The following MAF variants were observed in gnomAD, a reference collection of about 807,000 sequenced individuals.
MAF encodes transcription factor Maf.
MAF carries 10 observed loss-of-function variants against 22.0 expected under a neutral mutation model. The ratio of observed to expected loss-of-function variants is 0.45; its 90% CI spans 0.28 to 0.77. The LOEUF (loss-of-function observed/expected upper bound fraction) is 0.77, where lower values mean the gene tolerates loss of function less well. MAF is among the 30% of genes least tolerant of loss of function. The pLI, the probability that MAF is intolerant of heterozygous loss-of-function variation, is 0.12. For missense variants in MAF, 544 were observed against 548.4 expected (o/e 0.99, Z 0.08); for synonymous variants, 337 against 255.8 (o/e 1.32, Z -3.03).
the MAF span, among the ~76,000 whole-genome samples, chr16:79,485,367 C>T: frequency 6.6e-6 from 1 of 152,240 alleles, no homozygotes. Context: ...CTCTTTCCTT[C>T]TCTGTCACCC....
chr16:79,441,868 C>A, the MAF span, among the ~76,000 whole-genome samples: 1 of 152,124 alleles, frequency 6.6e-6, no homozygotes, highest in South Asian at 2.1e-4. Flanking sequence ...GTAAAATTAT[C>A]CTGAATTTAG....
chr16:79,211,599 G>A, the MAF span: 1 of 1,614,164 alleles, frequency 6.2e-7, no homozygotes, highest in Non-Finnish European at 8.5e-7. Context: ...TTTCTTCTTG[G>A]ATTTCCAGCA....
the MAF span, among the ~76,000 whole-genome samples, chr16:79,277,790 G>A: frequency 6.6e-6 from 1 of 152,142 alleles, no homozygotes; most frequent in African/African-American, 2.4e-5. Flanking sequence ...GTATAAATAC[G>A]ACAATTGCCC....
the MAF span, among the ~76,000 whole-genome samples, chr16:79,554,090 A>AAAAC: frequency 0.025 from 3,006 of 121,084 alleles, 45 homozygotes; most frequent in African/African-American, 0.046. Flanking sequence ...CTGCCTCTCA[A>AAAAC]AAACAAACAA....
At chr16:79,250,586 A>G in the MAF span, among the ~76,000 whole-genome samples, 3,554 of 152,162 alleles carry the variant, frequency 0.023, 46 homozygotes, top group Middle Eastern at 0.071. Context: ...GTGCTTGGGG[A>G]AGGCTCTACT....
At chr16:79,507,106 T>C in the MAF span, among the ~76,000 whole-genome samples, 1 of 138,780 alleles carries the variant, frequency 7.2e-6, no homozygotes, top group Admixed American at 8.3e-5. Context: ...TAATTAACTT[T>C]TCTGCGTCTT....
Position 79,599,236 on chromosome 16 carries a change from T to C in MAF, c.667A>G (p.Ser223Gly), listed in dbSNP as rs1369223885. Reference protein sequence around the residue: ...AGGAGGGGPASAGGGGGGGGG... With the variant: ...AGGAGGGGPAGAGGGGGGGGG... ...CCGCCGCCGCCGCCGCCCCCAGCGC[T>C]GGCCGGGCCACCGCCGCCCGCGCCC... The change falls in exon 1 of 2, where the codon AGC becomes GGC. Residue 223 changes from serine to glycine, a missense_variant. Ser to Gly is a moderately conservative substitution (Grantham distance 56). Coordinates refer to ENST00000326043, the MANE Select transcript of MAF (RefSeq NM_005360.5). 2.0e-6 allele frequency: 2 copies of C among 977,268 alleles called. No homozygotes were observed. Among genetic ancestry groups the C allele is most frequent in the Non-Finnish European group, 1.2e-6 (1 of 826,704 alleles). The allele number at this position is 977,268 out of a possible 1,614,324, so 60.5% of individuals were successfully genotyped here.
At chr16:79,223,001 G>A in the MAF span, among the ~76,000 whole-genome samples, 1 of 152,154 alleles carries the variant, frequency 6.6e-6, no homozygotes, top group African/African-American at 2.4e-5. Context: ...CTTGAACTCA[G>A]CTCTGGACCA....
At chr16:79,539,503 C>A in the MAF span, among the ~76,000 whole-genome samples, 1 of 151,528 alleles carries the variant, frequency 6.6e-6, no homozygotes, top group Non-Finnish European at 1.5e-5. Flanking sequence ...GACTCCACCT[C>A]AAAACAAAAC....
At chr16:79,490,239 C>G in the MAF span, among the ~76,000 whole-genome samples, 1 of 152,176 alleles carries the variant, frequency 6.6e-6, no homozygotes, top group Non-Finnish European at 1.5e-5. Flanking sequence ...TTAAAATATC[C>G]TGGACACAGG....
the MAF span, among the ~76,000 whole-genome samples, chr16:79,447,905 A>AAAAAAAAAAAAAAAAAAAAAAAAAAG: frequency 1.0e-4 from 9 of 85,782 alleles, no homozygotes; most frequent in Admixed American, 1.9e-4. Flanking sequence ...AAAAAAAAAA[A>AAAAAAAAAAAAAAAAAAAAAAAAAAG]AAAAGAAAAG....
At chr16:79,431,171 C>T in the MAF span, among the ~76,000 whole-genome samples, 6 of 152,138 alleles carry the variant, frequency 3.9e-5, no homozygotes, top group African/African-American at 1.4e-4. Context: ...CCCCATCCCT[C>T]AACCAAGCAT....
chr16:79,377,781 G>A, the MAF span, among the ~76,000 whole-genome samples: 2 of 152,172 alleles, frequency 1.3e-5, no homozygotes, highest in African/African-American at 2.4e-5. Context: ...TGATTAAATA[G>A]GGAATCCTTT....
chr16:79,462,442 T>G, the MAF span, among the ~76,000 whole-genome samples: 10 of 151,988 alleles, frequency 6.6e-5, no homozygotes. Flanking sequence ...TGCTCCCCAT[T>G]GCTCTGAGTT....
At chr16:79,441,874 T>A in the MAF span, among the ~76,000 whole-genome samples, 1 of 152,156 alleles carries the variant, frequency 6.6e-6, no homozygotes, top group African/African-American at 2.4e-5. Context: ...TTATCCTGAA[T>A]TTAGGGTGGG....
At chr16:79,389,690 G>A in the MAF span, among the ~76,000 whole-genome samples, 3 of 152,104 alleles carry the variant, frequency 2.0e-5, no homozygotes, top group Admixed American at 1.3e-4. Context: ...CAAATCCTTA[G>A]ATCAGGCCGG....
the MAF span, among the ~76,000 whole-genome samples, chr16:79,571,661 A>T: frequency 3.3e-5 from 5 of 151,786 alleles, no homozygotes; most frequent in African/African-American, 1.2e-4. Context: ...AGTGGGTTCA[A>T]ATCTCTCTAT....
chr16:79,597,183 G>A, intron 1 of MAF: 1 of 1,053,674 alleles, frequency 9.5e-7, no homozygotes, highest in East Asian at 5.4e-5. Flanking sequence ...ACAATTTAGT[G>A]CATCAATCGT....
At chr16:79,590,966 C>A (rs914366738), downstream of MAF, among the ~76,000 whole-genome samples, 1 of 152,064 alleles carries the variant, frequency 6.6e-6, no homozygotes, top group Non-Finnish European at 1.5e-5. Context: ...ATATAGAGAA[C>A]CAGGGCAACT....
Sources: gnomAD v4.1 joint callset for allele counts (sites outside exome capture counted in the v4.1 genomes callset) on GRCh38, gnomAD v4.1.1 for gene constraint, MANE v1.5 for transcripts, NCBI Gene and HGNC (gene_info 2026-07-23, HGNC 2026-07-21) for gene names.